Variants in PTGES2 observed in about 807,000 individuals in gnomAD.
PTGES2 encodes the protein GATE-binding factor 1.
A neutral mutation model predicts 44.5 loss-of-function variants in PTGES2; 35 were observed. That is an observed-to-expected ratio of 0.79 (90% CI 0.60 to 1.04). PTGES2 has a LOEUF of 1.04. Among genes scored for constraint, PTGES2 ranks in the 50% least tolerant of loss-of-function variants. PTGES2 has a pLI of 0.00. For missense variants in PTGES2, 517 were observed against 521.4 expected, an observed-to-expected ratio of 0.99 and a Z score of 0.08; for synonymous variants, 221 against 227.5, an observed-to-expected ratio of 0.97 and a Z score of 0.26.
Position 128,127,514 on chromosome 9 carries a change from TC to T in PTGES2, c.203del (p.Gly68GlufsTer35), listed in dbSNP as rs1834676153. On this transcript the variant is annotated frameshift_variant, in exon 1 of 7. Transcript: ENST00000338961. LOFTEE classifies it high-confidence loss of function. ...LLGAAALALG[G>X]ALGLYHTARW... ...GCGCCGTGTGGTACAGCCCCAGGGCTCCCCCCAGGGCCAGCGCCGCAGCTCC... is the reference window on the plus strand; with the variant it reads ...GCGCCGTGTGGTACAGCCCCAGGGCTCCCCCAGGGCCAGCGCCGCAGCTCC... 1.4e-5 allele frequency: 19 copies of T among 1,334,058 alleles called. No individual in the cohort carries two copies. The highest frequency in any genetic ancestry group is 1.2e-4 in the South Asian group (6 of 48,842). 82.6% of individuals were successfully genotyped at this position (1,334,058 alleles called of 1,614,324 possible).
chr9:128,126,957 T>C (rs1455697511), intron 1 of PTGES2, among the ~76,000 whole-genome samples: 1 of 151,076 alleles, frequency 6.6e-6, no homozygotes, highest in Non-Finnish European at 1.5e-5. Context: ...GGTGGGCGGA[T>C]CACTTGAGGC....
intron 6 of PTGES2, among the ~76,000 whole-genome samples, chr9:128,121,793 A>G (rs1422258941): frequency 6.6e-6 from 1 of 152,100 alleles, no homozygotes; most frequent in Non-Finnish European, 1.5e-5. Flanking sequence ...CAGGCCTGTA[A>G]TCCCAGCTAC....
In PTGES2 at chr9:128,124,520, T is replaced by C. The variant is rs1397825574; in HGVS notation, c.508A>G (p.Ser170Gly). Reference protein sequence around the residue: ...QQLNDSSVIISALKTYLVSGQ... With the variant: ...QQLNDSSVIIGALKTYLVSGQ... ...GACACCAGGTAGGTCTTGAGGGCGC[T>C]GATGATGACAGAGGAGTCATTTAGT... Residue 170 changes from serine to glycine, a missense_variant, in exon 3 of 7, where the codon AGC (serine) becomes GGC (glycine). By Grantham distance (56) the Ser-to-Gly change is moderately conservative (BLOSUM62 0). Coordinates refer to ENST00000338961, the MANE Select transcript of PTGES2 (RefSeq NM_025072.7). 1 of 1,613,628 alleles carries C rather than the reference T, an allele frequency of 6.2e-7. No homozygotes were observed. Among genetic ancestry groups the C allele is most frequent in the African/African-American group, 1.3e-5 (1 of 74,896 alleles).
Position 128,125,235 on chromosome 9 carries a change from G to C in PTGES2, c.477+9C>G. 6.4e-7 allele frequency: 1 copy of C among 1,565,336 alleles called. No individual in the cohort carries two copies. The highest frequency in any genetic ancestry group is 8.7e-7 in the Non-Finnish European group (1 of 1,154,808). On this transcript the variant is annotated intron_variant, in intron 2 of 6. Transcript: ENST00000338961. The stretch of plus-strand genomic sequence containing the variant: ...GGAGGAAGGATGCAGGGGGTTCCCT[G>C]GGGCTCACCGAGCTTTCTCCTTCCT...
chr9:128,127,657 T>A lies in PTGES2; in HGVS notation c.61A>T (p.Arg21Trp). 1 of 1,289,038 alleles carries A rather than the reference T, an allele frequency of 7.8e-7. No individual in the cohort carries two copies. The highest frequency in any genetic ancestry group is 9.8e-7 in the Non-Finnish European group (1 of 1,018,772). The allele number at this position is 1,289,038 out of a possible 1,614,324, so 79.9% of individuals were successfully genotyped here. The change falls in exon 1 of 7, where the codon AGG becomes TGG. Residue 21 changes from arginine to tryptophan, a missense_variant. Physicochemically the swap from Arg to Trp is moderately radical, Grantham distance 101. Coordinates refer to ENST00000338961, the MANE Select transcript of PTGES2 (RefSeq NM_025072.7). ...AGCGGCTGGGGGCGGCCTCCCAGCCTCCAGGCCAAGGCGCACCCACCAGGC... is the reference window on the plus strand; with the variant it reads ...AGCGGCTGGGGGCGGCCTCCCAGCCACCAGGCCAAGGCGCACCCACCAGGC... The part of the protein sequence containing the change: ...LWPGGCALAW[R>W]LGGRPQPLLP...
chr9:128,122,597 A>G (rs1189347217), intron 5 of PTGES2, 118 bp from the exon 6 acceptor site: 5 of 826,394 alleles, frequency 6.1e-6, no homozygotes, highest in Middle Eastern at 4.9e-4. Flanking sequence ...CCCAGGTGAG[A>G]GCATCACATC....
intron 6 of PTGES2, 147 bp downstream of exon 6, chr9:128,122,215 T>C (rs927761437): frequency 2.9e-6 from 2 of 686,538 alleles, no homozygotes; most frequent in African/African-American, 3.6e-5. Context: ...CTGGAGCCAC[T>C]TCGAGGCGAG....
At chr9:128,126,250 C>T (rs925411206) in intron 1 of PTGES2, among the ~76,000 whole-genome samples, 2 of 152,174 alleles carry the variant, frequency 1.3e-5, no homozygotes, top group Non-Finnish European at 2.9e-5. Context: ...TCTGGTCCAG[C>T]AAATAAGCAT....
Position 128,123,663 on chromosome 9 carries a change from C to A in PTGES2, c.686+39G>T, listed in dbSNP as rs79173749. The A allele has an allele frequency of 3.1e-6, 5 of 1,593,284 alleles. No homozygotes were observed. The highest frequency in any genetic ancestry group is 4.3e-6 in the Non-Finnish European group (5 of 1,167,008). On this transcript the variant is annotated intron_variant, in intron 4 of 6. Transcript: ENST00000338961. The surrounding 1 kb of genome is among the most constrained non-coding windows in gnomAD (Gnocchi z 4.4). ...GGTCCTACTCTACAGAAGACCCCTG[C>A]GGTCACCACCTTCCCCCGCCAGCCC...
chr9:128,127,788 C>A, upstream of PTGES2: 1 of 1,223,668 alleles, frequency 8.2e-7, no homozygotes. Flanking sequence ...GTTTAAAGGG[C>A]CAGGACTCTG....
At chr9:128,128,150 A>T, upstream of PTGES2, 1 of 326,942 alleles carries the variant, frequency 3.1e-6, no homozygotes, top group South Asian at 2.1e-5. Context: ...AAAGCCCCGG[A>T]AACGACCCGA....
At chr9:128,128,185 C>G (rs923298612), upstream of PTGES2, 12 of 279,818 alleles carry the variant, frequency 4.3e-5, no homozygotes, top group East Asian at 2.1e-4. Flanking sequence ...TTGCGGTTCT[C>G]TCTGCCCTCC....
Position 128,123,682 on chromosome 9 carries a change from C to G in PTGES2, c.686+20G>C, listed in dbSNP as rs752028817. 6.2e-7 allele frequency: 1 copy of G among 1,606,670 alleles called. No individual in the cohort carries two copies. The highest frequency in any genetic ancestry group is 8.5e-7 in the Non-Finnish European group (1 of 1,175,358). ...CCCCTGCGGTCACCACCTTCCCCCG[C>G]CAGCCCCAGCCCCACTCACGTCCTG... On this transcript the variant is annotated intron_variant, in intron 4 of 6. Coordinates refer to ENST00000338961, the MANE Select transcript of PTGES2 (RefSeq NM_025072.7). The surrounding 1 kb of genome is among the most constrained non-coding windows in gnomAD (Gnocchi z 4.4).
intron 1 of PTGES2, among the ~76,000 whole-genome samples, chr9:128,127,182 TAAAC>T (rs1174229610): frequency 7.9e-4 from 4 of 5,056 alleles, no homozygotes; most frequent in East Asian, 2.5e-3. Flanking sequence ...AAAACATAAA[TAAAC>T]AAACCAAAAA....
chr9:128,121,658 G>GTCCC (rs1472446467), intron 6 of PTGES2, among the ~76,000 whole-genome samples: 1 of 152,102 alleles, frequency 6.6e-6, no homozygotes, highest in Non-Finnish European at 1.5e-5. Context: ...CACGCCTGTA[G>GTCCC]TCCCAGCACT....
Position 128,124,362 on chromosome 9 carries a change from G to A in PTGES2, c.536+130C>T, listed in dbSNP as rs937190121. 4 of 730,016 alleles carry A rather than the reference G, an allele frequency of 5.5e-6. No individual in the cohort carries two copies. In the Admixed American group the frequency reaches 8.1e-5, roughly 15 times the overall value. The allele number at this position is 730,016 out of a possible 1,614,324, so 45.2% of individuals were successfully genotyped here. A position where few individuals can be genotyped will look rare whatever the true frequency, so the allele number is the denominator to read the frequency against. On this transcript the variant is annotated intron_variant, in intron 3 of 6. Coordinates refer to ENST00000338961, the MANE Select transcript of PTGES2 (RefSeq NM_025072.7). ...GCCTCCCAAAGTGCTGGGATTACAG[G>A]TGCGAGCCACTCTGTACTCTGGAAA...
upstream of PTGES2, chr9:128,128,309 G>A (rs765379252): frequency 8.8e-6 from 4 of 456,178 alleles, no homozygotes; most frequent in Non-Finnish European, 1.8e-5. Context: ...CCGGCCCGCC[G>A]ACCCCGAGAT....
At position 128,122,461 on chromosome 9, in the gene PTGES2, G is replaced by T; in HGVS notation, c.906C>A (p.Asn302Lys). Residue 302 changes from asparagine (N) to lysine (K), a missense_variant, in exon 6 of 7, where the codon AAC becomes AAA. Coordinates refer to ENST00000338961, the MANE Select transcript of PTGES2 (RefSeq NM_025072.7). ...RLKSRHRLQD[N>K]VREDLYEAAD... ...CAGCCTCATAGAGGTCCTCGCGCAC[G>T]TTGTCCTGGAGGCGGTGCCTGGGCG... The T allele has an allele frequency of 6.2e-7, 1 of 1,614,050 alleles. No individual in the cohort carries two copies. Among genetic ancestry groups the T allele is most frequent in the Non-Finnish European group, 8.5e-7 (1 of 1,179,962 alleles).
In PTGES2 at chr9:128,127,476, C is replaced by A; in HGVS notation, c.242G>T (p.Arg81Leu). ...GCGCTCTGCGTGGAGGTCCTGGGCG[C>A]GCAGGTGCCACCGCGCCGTGTGGTA... ...GLYHTARWHL[R>L]AQDLHAERSA... is the part of the protein sequence containing the mutation. Residue 81 changes from arginine (R) to leucine (L), a missense_variant, in exon 1 of 7, where the codon CGC becomes CTC. By Grantham distance (102) the Arg-to-Leu change is moderately radical. Coordinates refer to ENST00000338961, the MANE Select transcript of PTGES2 (RefSeq NM_025072.7). The A allele has an allele frequency of 7.1e-7, 1 of 1,402,468 alleles. No individual in the cohort carries two copies. Among genetic ancestry groups the A allele is most frequent in the Admixed American group, 2.6e-5 (1 of 39,032 alleles). The allele number at this position is 1,402,468 out of a possible 1,614,324, so 86.9% of individuals were successfully genotyped here.
Sources: allele counts gnomAD v4.1 joint callset (sites outside exome capture counted in the v4.1 genomes callset), GRCh38; gene constraint gnomAD v4.1.1; non-coding constraint Gnocchi (gnomAD v3.1); transcripts MANE v1.5; gene names NCBI Gene and HGNC (gene_info 2026-07-23, HGNC 2026-07-21).